BCL2L14: variants seen among roughly 807,000 people sequenced by gnomAD.
BCL2L14 encodes BCL2 like 14.
In BCL2L14, 27 loss-of-function variants were observed where a neutral mutation model predicts 35.3. That is an observed-to-expected ratio of 0.76 (90% CI 0.56 to 1.05). The LOEUF (loss-of-function observed/expected upper bound fraction) is 1.05. BCL2L14 is among the 50% of genes least tolerant of loss of function. The probability of loss-of-function intolerance (pLI) is 0.00; values close to 1 mark genes in which losing one functional copy is unlikely to be tolerated. For missense variants in BCL2L14, 377 were observed against 382.6 expected, an observed-to-expected ratio of 0.99 and a Z score of 0.12; for synonymous variants, 139 against 145.9, an observed-to-expected ratio of 0.95 and a Z score of 0.34.
intron 2 of BCL2L14, among the ~76,000 whole-genome samples, chr12:12,052,765 T>G (rs1948375538): frequency 6.6e-6 from 1 of 152,206 alleles, no homozygotes; most frequent in Non-Finnish European, 1.5e-5. Flanking sequence ...ATCAGGACCT[T>G]GGTTTCTTAG....
chr12:12,062,040 G>A (rs1434350279), intron 2 of BCL2L14, among the ~76,000 whole-genome samples: 4 of 151,960 alleles, frequency 2.6e-5, no homozygotes, highest in Non-Finnish European at 4.4e-5. Flanking sequence ...TGCAGTGGCT[G>A]CTGCCGCCCT....
At chr12:12,059,096 G>A (rs567054417) in intron 2 of BCL2L14, among the ~76,000 whole-genome samples, 5 of 152,284 alleles carry the variant, frequency 3.3e-5, no homozygotes, top group South Asian at 2.1e-4. Flanking sequence ...CCAAAACTCC[G>A]GTGCCGGTCA....
At chr12:12,083,062 T>C (rs1034897908) in intron 2 of BCL2L14, among the ~76,000 whole-genome samples, 1 of 152,186 alleles carries the variant, frequency 6.6e-6, no homozygotes, top group African/African-American at 2.4e-5. Flanking sequence ...CCTCCTGGGT[T>C]CACACCATTC....
chr12:12,057,084 C>G (rs1054085425), intron 2 of BCL2L14, among the ~76,000 whole-genome samples: 1 of 152,132 alleles, frequency 6.6e-6, no homozygotes, highest in African/African-American at 2.4e-5. Context: ...AAAACCAGCT[C>G]AAAGGAGAAA....
intron 2 of BCL2L14, among the ~76,000 whole-genome samples, chr12:12,061,591 C>T (rs1948526907): frequency 6.6e-6 from 1 of 152,002 alleles, no homozygotes; most frequent in Non-Finnish European, 1.5e-5. Flanking sequence ...ACTCTCCTAT[C>T]CTCAATACGT....
chr12:12,097,810 GA>G (rs922491437), intron 5 of BCL2L14, among the ~76,000 whole-genome samples: 74 of 140,374 alleles, frequency 5.3e-4, no homozygotes, highest in South Asian at 1.3e-3. Context: ...GTTCCAATTA[GA>G]AAAAAAAAAA....
chr12:12,066,888 T>G (rs1948600808), upstream of BCL2L14, among the ~76,000 whole-genome samples: 1 of 151,942 alleles, frequency 6.6e-6, no homozygotes, highest in Non-Finnish European at 1.5e-5. Flanking sequence ...TTTTTTGTAT[T>G]TTTAGTAGAG....
In BCL2L14 at chr12:12,057,755, T is replaced by TAAAAAAAAAAAAA. The variant is rs370379966; in HGVS notation, c.-272+5911_-272+5923dup. Among the ~76,000 whole-genome samples, 159 of 120,234 alleles carry TAAAAAAAAAAAAA rather than the reference T, an allele frequency of 1.3e-3. 1 individual carries two copies. The highest frequency in any genetic ancestry group is 4.0e-3 in the African/African-American group (123 of 30,922). 78.9% of individuals were successfully genotyped at this position (120,234 alleles called of 152,430 possible). A position where few individuals can be genotyped will look rare whatever the true frequency, so the allele number is the denominator to read the frequency against. ...CTGGGCAATAAGAGCAAAACTCCAT[T>TAAAAAAAAAAAAA]AAAAAAAAAAAAAAAGAAGTGAAGA... On this transcript the variant is annotated intron_variant, in intron 2 of 3. Transcript: ENST00000461264.
intron 1 of BCL2L14, chr12:12,077,557 G>C (rs1041915786): frequency 1.4e-5 from 2 of 145,144 alleles, no homozygotes; most frequent in Middle Eastern, 3.5e-3. Flanking sequence ...AAAAAAAAGA[G>C]AGCCTGGGGC....
chr12:12,066,430 C>A (rs530813913), upstream of BCL2L14, among the ~76,000 whole-genome samples: 11 of 152,308 alleles, frequency 7.2e-5, no homozygotes, highest in African/African-American at 2.4e-4. Flanking sequence ...GCAAAAACCC[C>A]AACGTTTTCC....
rs750292423 is a variant in BCL2L14 at position 12,079,569 on chromosome 12, GAA to G, written c.268_269del (p.Lys90ValfsTer46). 2 of 1,614,210 alleles carry G rather than the reference GAA, an allele frequency of 1.2e-6. No individual in the cohort carries two copies. Among genetic ancestry groups the G allele is most frequent in the South Asian group, 2.2e-5 (2 of 91,084 alleles). The part of the protein sequence containing the change: ...SSEKAINLGK[K>X]KSSWKAFFGV... ...GTGAGAAGGCCATAAACCTTGGCAA[GAA>G]AAAGTCTTCTTGGAAAGCATTCTTT... On this transcript the variant is annotated frameshift_variant, in exon 2 of 6. Coordinates refer to ENST00000308721, the MANE Select transcript of BCL2L14 (RefSeq NM_138723.2). LOFTEE classifies it high-confidence loss of function.
upstream of BCL2L14, among the ~76,000 whole-genome samples, chr12:12,068,783 C>T (rs972744595): frequency 7.9e-5 from 12 of 151,990 alleles, no homozygotes; most frequent in Admixed American, 1.3e-4. Context: ...AAGAGTGAGC[C>T]AACAAAGTAA....
chr12:12,052,863 C>T (rs919779270), intron 2 of BCL2L14, among the ~76,000 whole-genome samples: 2 of 152,192 alleles, frequency 1.3e-5, no homozygotes, highest in African/African-American at 4.8e-5. Context: ...AAGGAGTATA[C>T]GTCTGAGCAT....
chr12:12,079,285 C>T lies in BCL2L14; in HGVS notation c.-7-14C>T, dbSNP rs777802246. The T allele has an allele frequency of 5.0e-6, 8 of 1,605,700 alleles. No individual in the cohort carries two copies. Among genetic ancestry groups the T allele is most frequent in the African/African-American group, 2.7e-5 (2 of 74,792 alleles). ...CCTGCATAGAAGGGCACAGTGTGGACTTTGTTGTTACAGGCCCAACATGTG... is the reference window on the plus strand; with the variant it reads ...CCTGCATAGAAGGGCACAGTGTGGATTTTGTTGTTACAGGCCCAACATGTG... On this transcript the variant is annotated splice_polypyrimidine_tract_variant and intron_variant, in intron 1 of 5. Coordinates refer to ENST00000308721, the MANE Select transcript of BCL2L14 (RefSeq NM_138723.2).
intron 1 of BCL2L14, among the ~76,000 whole-genome samples, chr12:12,078,728 C>T (rs966598101): frequency 5.3e-5 from 8 of 152,202 alleles, no homozygotes; most frequent in African/African-American, 1.9e-4. Context: ...CTCACCTATC[C>T]CTGCCTTCTA....
chr12:12,094,779 T>G lies in BCL2L14; in HGVS notation c.794T>G (p.Val265Gly). 6.2e-7 allele frequency: 1 copy of G among 1,614,088 alleles called. No individual in the cohort carries two copies. Among genetic ancestry groups the G allele is most frequent in the Non-Finnish European group, 8.5e-7 (1 of 1,180,024 alleles). ...GTGGACCCCAGGGGAGAATCAGAGG[T>G]CAAAGCTCAGGGCTTTAAGGCTGCC... is the stretch of plus-strand genomic sequence containing the variant. ...MGVDPRGESE[V>G]KAQGFKAALV... Residue 265 changes from valine to glycine, a missense_variant, in exon 5 of 6, where the codon GTC (valine) becomes GGC (glycine). Physicochemically the swap from Val to Gly is moderately radical, Grantham distance 109 (BLOSUM62 -3). Transcript: ENST00000308721.
intron 1 of BCL2L14, among the ~76,000 whole-genome samples, chr12:12,050,801 A>AG (rs1228022689): frequency 1.4e-4 from 20 of 138,006 alleles, no homozygotes; most frequent in Admixed American, 5.0e-4. Context: ...GCTAAAAAAA[A>AG]AAAAAAAAAA....
At chr12:12,088,926 T>C (rs1318618082) in intron 3 of BCL2L14, among the ~76,000 whole-genome samples, 1 of 152,140 alleles carries the variant, frequency 6.6e-6, no homozygotes, top group East Asian at 1.9e-4. Flanking sequence ...CCACATGGGC[T>C]TGGGAGATGG....
intron 5 of BCL2L14, among the ~76,000 whole-genome samples, chr12:12,098,620 T>C (rs1591842703): frequency 6.6e-6 from 1 of 152,224 alleles, no homozygotes; most frequent in East Asian, 1.9e-4. Flanking sequence ...ACCCATTCTG[T>C]AGCACTTTGA....
Sources: allele counts gnomAD v4.1 joint callset (sites outside exome capture counted in the v4.1 genomes callset), GRCh38; gene constraint gnomAD v4.1.1; transcripts MANE v1.5; gene names NCBI Gene and HGNC (gene_info 2026-07-23, HGNC 2026-07-21).